Variants in PRCC observed in about 807,000 individuals in gnomAD.
PRCC encodes the protein proline-rich protein PRCC.
A neutral mutation model predicts 44.0 loss-of-function variants in PRCC; 10 were observed. The observed-to-expected ratio is 0.23, with a 90% CI of 0.14 to 0.39. PRCC has a LOEUF of 0.39. Among genes scored for constraint, PRCC ranks in the 10% least tolerant of loss-of-function variants. PRCC has a pLI of 1.00. For missense variants in PRCC, 573 were observed against 624.7 expected, an observed-to-expected ratio of 0.92 and a Z score of 0.88; for synonymous variants, 278 against 259.5, an observed-to-expected ratio of 1.07 and a Z score of -0.69.
rs532586415 is a variant in PRCC, at chr1:156,781,001, T to TA, written c.469-1280dup. 6.0e-4 allele frequency among the ~76,000 whole-genome samples: 92 copies of TA among 152,306 alleles called. 1 individual carries two copies. The East Asian group carries it at 0.017, about 29-fold the overall frequency. ...GTCTTGGCCTCTCAAAGTACTGAGT[T>TA]ACAGGTGTGAGCCACTGCGCCCGGC... On this transcript the variant is annotated intron_variant, in intron 1 of 6. Transcript: ENST00000271526.
intron 1 of PRCC, among the ~76,000 whole-genome samples, chr1:156,770,616 C>G (rs149960340): frequency 0.015 from 2,353 of 152,322 alleles, 74 homozygotes; most frequent in South Asian, 0.13. Flanking sequence ...CTCAGGTGAT[C>G]TGACCACCTT....
At chr1:156,779,129 T>TATATATATATATATATATATATATA (rs1491456608) in intron 1 of PRCC, among the ~76,000 whole-genome samples, 2 of 16,386 alleles carry the variant, frequency 1.2e-4, no homozygotes, top group African/African-American at 4.8e-4. Flanking sequence ...TATATATATA[T>TATATATATATATATATATATATATA]TTTTTTTTTT....
At chr1:156,785,287 G>A (rs1239773662) in intron 2 of PRCC, among the ~76,000 whole-genome samples, 1 of 152,082 alleles carries the variant, frequency 6.6e-6, no homozygotes, top group African/African-American at 2.4e-5. Context: ...CGAGGTGGGT[G>A]GATCATAAGG....
In PRCC at chr1:156,767,977, C is replaced by T; in HGVS notation, c.206C>T (p.Pro69Leu). The T allele has an allele frequency of 6.3e-7, 1 of 1,581,196 alleles. No individual in the cohort carries two copies. ...APAFPPPLLL[P>L]PPTGDPRLQP... ...GCCTTTCCCCCGCCGCTGTTGCTTC[C>T]CCCACCCACCGGAGACCCCAGGCTT... is the stretch of plus-strand genomic sequence containing the variant. Residue 69 changes from proline to leucine, a missense_variant, in exon 1 of 7, where the codon CCC becomes CTC. This residue lies in a region of PRCC where 245 missense variants were observed against 188.5 expected (regional missense o/e 1.30). Coordinates refer to ENST00000271526, the MANE Select transcript of PRCC (RefSeq NM_005973.5).
intron 1 of PRCC, among the ~76,000 whole-genome samples, chr1:156,776,221 T>C (rs953537942): frequency 6.6e-6 from 1 of 152,036 alleles, no homozygotes; most frequent in African/African-American, 2.4e-5. Context: ...AAAAATAAAA[T>C]AACTGAGCAT....
chr1:156,778,324 C>T (rs889290812), intron 1 of PRCC, among the ~76,000 whole-genome samples: 26 of 152,244 alleles, frequency 1.7e-4, no homozygotes, highest in African/African-American at 4.6e-4. Flanking sequence ...CTTAGCATAA[C>T]GTTCTCCAGT....
At chr1:156,787,848 T>C (rs1213265868) in intron 3 of PRCC, among the ~76,000 whole-genome samples, 1 of 150,548 alleles carries the variant, frequency 6.6e-6, no homozygotes, top group African/African-American at 2.5e-5. Context: ...TTTATATTTT[T>C]TGAGACGGAG....
chr1:156,800,600 A>G lies in PRCC; in HGVS notation c.*140A>G. On this transcript the variant is annotated 3_prime_UTR_variant, in exon 7 of 7. Transcript: ENST00000271526. ...AGCCCTCGCCTCTGCGAGAATGAAC[A>G]TATTTGATAGATTTTTCTTAACAAG... is the stretch of plus-strand genomic sequence containing the variant. 1.3e-6 allele frequency: 1 copy of G among 765,026 alleles called. No individual in the cohort carries two copies. The highest frequency in any genetic ancestry group is 2.1e-6 in the Non-Finnish European group (1 of 466,530). The allele number at this position is 765,026 out of a possible 1,614,324, so 47.4% of individuals were successfully genotyped here.
intron 1 of PRCC, 99 bp from the exon 2 acceptor site, chr1:156,782,183 A>G: frequency 9.1e-7 from 1 of 1,094,362 alleles, no homozygotes; most frequent in Non-Finnish European, 1.4e-6. Context: ...CACAGACAAG[A>G]TGGCCACTGT....
At chr1:156,784,395 T>C (rs1652159107) in intron 2 of PRCC, among the ~76,000 whole-genome samples, 1 of 152,080 alleles carries the variant, frequency 6.6e-6, no homozygotes, top group Non-Finnish European at 1.5e-5. Context: ...CTGAAGACTG[T>C]AAAGAACAAT....
intron 4 of PRCC, 66 bp downstream of exon 4, chr1:156,791,858 A>G (rs1206029278): frequency 1.4e-6 from 2 of 1,441,008 alleles, no homozygotes; most frequent in Non-Finnish European, 1.9e-6. Context: ...TCTGAAGCCA[A>G]AGGAAATTAA....
At chr1:156,772,138 C>T (rs190738706) in intron 1 of PRCC, among the ~76,000 whole-genome samples, 89 of 152,244 alleles carry the variant, frequency 5.8e-4, no homozygotes, top group African/African-American at 2.0e-3. Context: ...GGATTACAGG[C>T]GTGAGCCACT....
intron 2 of PRCC, among the ~76,000 whole-genome samples, chr1:156,783,007 T>A (rs1396116757): frequency 4.6e-5 from 7 of 152,060 alleles, no homozygotes; most frequent in Admixed American, 4.6e-4. Context: ...CCAGTTCAAG[T>A]GATTCTCCTG....
At chr1:156,777,628 TA>T (rs1389724979) in intron 1 of PRCC, among the ~76,000 whole-genome samples, 1 of 151,942 alleles carries the variant, frequency 6.6e-6, no homozygotes, top group Non-Finnish European at 1.5e-5. Flanking sequence ...GCTGTCAGAG[TA>T]AAGGCAAGAA....
intron 6 of PRCC, among the ~76,000 whole-genome samples, chr1:156,799,196 A>G (rs1309062792): frequency 6.6e-6 from 1 of 152,188 alleles, no homozygotes; most frequent in Non-Finnish European, 1.5e-5. Context: ...ATTTGTGTAT[A>G]TTTTATGGTA....
chr1:156,771,148 C>T (rs1651619997), intron 1 of PRCC, among the ~76,000 whole-genome samples: 1 of 152,038 alleles, frequency 6.6e-6, no homozygotes. Context: ...GCAGAGGAAA[C>T]AATGTATAAA....
At position 156,792,053 on chromosome 1, in the gene PRCC, C is replaced by CTTTTTTTTTTTTTTTTTTTTT. The variant is rs67388360; in HGVS notation, c.1179+269_1179+289dup. ...ACAGAGTCAGGGATCTAGTCCCCTT[C>CTTTTTTTTTTTTTTTTTTTTT]TTTTTTTTTTTTTTTTTTTTTTTTT... On this transcript the variant is annotated intron_variant, in intron 4 of 6. Coordinates refer to ENST00000271526, the MANE Select transcript of PRCC (RefSeq NM_005973.5). Among the ~76,000 whole-genome samples, 145 of 58,450 alleles carry CTTTTTTTTTTTTTTTTTTTTT rather than the reference C, an allele frequency of 2.5e-3. 20 individuals are homozygous for CTTTTTTTTTTTTTTTTTTTTT. The highest frequency in any genetic ancestry group is 4.0e-3 in the Non-Finnish European group (122 of 30,748). 38.3% of individuals were successfully genotyped at this position (58,450 alleles called of 152,430 possible).
chr1:156,791,664 G>A, intron 3 of PRCC, 33 bp from the exon 4 acceptor site: 1 of 1,591,560 alleles, frequency 6.3e-7, no homozygotes, highest in Non-Finnish European at 8.6e-7. Context: ...TGTGCCCTCA[G>A]TTGGTGTGTT....
intron 2 of PRCC, among the ~76,000 whole-genome samples, chr1:156,784,529 A>G (rs1652164246): frequency 6.6e-6 from 1 of 152,184 alleles, no homozygotes; most frequent in Admixed American, 6.5e-5. Context: ...AGACACTTCA[A>G]GGTAGCCTGA....
Sources: gnomAD v4.1 joint callset for allele counts (sites outside exome capture counted in the v4.1 genomes callset) on GRCh38, gnomAD v4.1.1 for gene constraint, gnomAD v4.1.1 regional missense constraint, MANE v1.5 for transcripts, NCBI Gene and HGNC (gene_info 2026-07-23, HGNC 2026-07-21) for gene names.